Variants in DST observed in about 807,000 individuals in gnomAD.
The protein encoded by DST is bullous pemphigoid antigen.
A neutral mutation model predicts 875.2 loss-of-function variants in DST; 253 were observed. That is an observed-to-expected ratio of 0.29 (90% CI 0.26 to 0.32). The LOEUF is 0.32. Ranked by LOEUF, DST falls within the 10% of genes least tolerant of loss-of-function variation. The pLI is 1.00. For synonymous variants in DST, 3,124 were observed against 3,197.1 expected, an observed-to-expected ratio of 0.98 and a Z score of 0.77; for missense variants, 8,287 against 9,111.6, an observed-to-expected ratio of 0.91 and a Z score of 3.68.
intron 3 of DST, among the ~76,000 whole-genome samples, chr6:56,891,684 T>C (rs943833121): frequency 6.0e-5 from 9 of 150,096 alleles, no homozygotes; most frequent in Admixed American, 2.0e-4. Context: ...CAGTGAGCCG[T>C]GATTGCGCGA....
At position 56,630,401 on chromosome 6, in the gene DST, A is replaced by G; in HGVS notation, c.4143-18T>C. The G allele has an allele frequency of 6.2e-7, 1 of 1,608,354 alleles. No homozygotes were observed. ...TTTTCAACCTTAAAAAGGAAATTAA[A>G]CAATAGCCACCTATGGTTAAATGTT... is the stretch of plus-strand genomic sequence containing the variant. On this transcript the variant is annotated intron_variant, in intron 30 of 103. Coordinates refer to ENST00000680361, the MANE Select transcript of DST (RefSeq NM_001374736.1).
chr6:56,633,167 C>A, intron 27 of DST, 130 bp from the exon 28 acceptor site: 1 of 755,802 alleles, frequency 1.3e-6, no homozygotes, highest in Non-Finnish European at 2.2e-6. Context: ...TTGAAATTAA[C>A]TGTCTTTTTC....
chr6:56,481,667 G>A (rs184798541), intron 90 of DST, among the ~76,000 whole-genome samples: 28 of 152,242 alleles, frequency 1.8e-4, no homozygotes, highest in African/African-American at 5.5e-4. Flanking sequence ...ACAATCCTAC[G>A]GGTATAATTT....
rs770000462 is a variant in DST at position 56,606,805 on chromosome 6, C to T, written c.7823G>A (p.Ser2608Asn). The change falls in exon 40 of 104, where the codon AGT becomes AAT. Residue 2608 changes from serine to asparagine, a missense_variant. Physicochemically the swap from Ser to Asn is conservative, Grantham distance 46. Coordinates refer to ENST00000680361, the MANE Select transcript of DST (RefSeq NM_001374736.1). ...QQNNTGTDTD[S>N]DDDFYDTPLF... is the part of the protein sequence containing the mutation. ...GGGAGTATCATAAAAATCATCATCA[C>T]TATCAGTGTCTGTTCCTGTGTTATT... The T allele has an allele frequency of 6.2e-7, 1 of 1,613,212 alleles. No homozygotes were observed. Among genetic ancestry groups the T allele is most frequent in the Non-Finnish European group, 8.5e-7 (1 of 1,179,576 alleles).
chr6:56,625,375 G>T, intron 34 of DST, 111 bp from the exon 35 acceptor site: 1 of 751,462 alleles, frequency 1.3e-6, no homozygotes, highest in Admixed American at 1.9e-5. Flanking sequence ...AATAACTTTA[G>T]TGATTTGACA....
intron 13 of DST, 32 bp from the exon 14 acceptor site, chr6:56,646,214 A>C (rs1487918091): frequency 1.0e-5 from 13 of 1,248,542 alleles, no homozygotes; most frequent in Non-Finnish European, 1.4e-5. Flanking sequence ...ATTAAGGACC[A>C]AACTTAAAAG....
intron 4 of DST, among the ~76,000 whole-genome samples, chr6:56,845,875 G>C (rs2099806704): frequency 6.6e-6 from 1 of 152,188 alleles, no homozygotes; most frequent in Non-Finnish European, 1.5e-5. Flanking sequence ...TTTAAAAACA[G>C]CCTTTACCCC....
chr6:56,507,301 T>C (rs2152469677), intron 75 of DST, among the ~76,000 whole-genome samples: 1 of 152,360 alleles, frequency 6.6e-6, no homozygotes, highest in South Asian at 2.1e-4. Context: ...TTTGCTTTCA[T>C]CTTCTTGGTT....
rs116716392 is a variant in DST, at chr6:56,557,193, C to T, written c.14640+126G>A. 2.5e-3 allele frequency: 2,019 copies of T among 823,682 alleles called. 22 individuals are homozygous for T. In the African/African-American group the frequency reaches 0.031, roughly 12 times the overall value. 51.0% of individuals were successfully genotyped at this position (823,682 alleles called of 1,614,324 possible). A position where few individuals can be genotyped will look rare whatever the true frequency, so the allele number is the denominator to read the frequency against. Reference sequence around the variant, plus strand: ...TATCTTATGGGCATCTGAAACATTACATATATACTTCAAAGCAGTTAAATA... The same window carrying T: ...TATCTTATGGGCATCTGAAACATTATATATATACTTCAAAGCAGTTAAATA... On this transcript the variant is annotated intron_variant, in intron 59 of 103. Transcript: ENST00000680361.
In DST at chr6:56,608,702, C is replaced by T. The variant is rs2098518897; in HGVS notation, c.5926G>A (p.Gly1976Ser). ...NISILRAAHEGLIDRETMFRL... is the reference protein window; with the variant it reads ...NISILRAAHESLIDRETMFRL... ...AACATGGTTTCACGGTCTATGAGAC[C>T]TTCATGAGCTGCTCTTAAAATGCTT... The change falls in exon 40 of 104, where the codon GGT becomes AGT. Residue 1976 changes from glycine to serine, a missense_variant. Physicochemically the swap from Gly to Ser is moderately conservative, Grantham distance 56. Coordinates refer to ENST00000680361, the MANE Select transcript of DST (RefSeq NM_001374736.1). The T allele has an allele frequency of 6.2e-7, 1 of 1,612,416 alleles. No homozygotes were observed. The highest frequency in any genetic ancestry group is 8.5e-7 in the Non-Finnish European group (1 of 1,179,236).
intron 10 of DST, among the ~76,000 whole-genome samples, chr6:56,667,242 T>A (rs1335706097): frequency 1.3e-5 from 2 of 152,206 alleles, no homozygotes; most frequent in Admixed American, 1.3e-4. Flanking sequence ...ATTATTATTG[T>A]CCAATACCAA....
At chr6:56,825,664 C>T (rs1373037234) in intron 4 of DST, among the ~76,000 whole-genome samples, 1 of 152,144 alleles carries the variant, frequency 6.6e-6, no homozygotes, top group Non-Finnish European at 1.5e-5. Context: ...TATTTCCTGA[C>T]AACTGTGGGG....
At chr6:56,732,135 C>A (rs1010126579) in intron 5 of DST, among the ~76,000 whole-genome samples, 6 of 152,176 alleles carry the variant, frequency 3.9e-5, no homozygotes, top group African/African-American at 1.4e-4. Context: ...TAATTCTTCA[C>A]TAATCAGCCA....
In DST at chr6:56,573,990, T is replaced by A. The variant is rs548388371; in HGVS notation, c.13028-103A>T. 14 of 782,568 alleles carry A rather than the reference T, an allele frequency of 1.8e-5. No individual in the cohort carries two copies. The Middle Eastern group carries it at 7.1e-4, about 40-fold the overall frequency. 48.5% of individuals were successfully genotyped at this position (782,568 alleles called of 1,614,324 possible). A position where few individuals can be genotyped will look rare whatever the true frequency, so the allele number is the denominator to read the frequency against. ...TCATACAATTTCCACACAAAAAATT[T>A]AAAAAATAAAAAGTTCAATGATAAA... On this transcript the variant is annotated intron_variant, in intron 50 of 103. Coordinates refer to ENST00000680361, the MANE Select transcript of DST (RefSeq NM_001374736.1).
At chr6:56,801,145 A>T (rs2099746317) in intron 4 of DST, among the ~76,000 whole-genome samples, 1 of 106,622 alleles carries the variant, frequency 9.4e-6, no homozygotes, top group Non-Finnish European at 2.2e-5. Context: ...CCTTTGCCAC[A>T]TTTTTTAAAA....
chr6:56,675,231 T>C (rs188670856), intron 9 of DST, among the ~76,000 whole-genome samples: 1 of 152,260 alleles, frequency 6.6e-6, no homozygotes, highest in African/African-American at 2.4e-5. Context: ...TAGACCCTTA[T>C]CTCACACCAT....
intron 4 of DST, among the ~76,000 whole-genome samples, chr6:56,795,701 C>G (rs552668353): frequency 6.6e-6 from 1 of 151,878 alleles, no homozygotes; most frequent in Non-Finnish European, 1.5e-5. Context: ...TAAAGTGAAG[C>G]CAGGGTTAAG....
rs970723514 is a variant in DST, at chr6:56,607,024, T to C, written c.7604A>G (p.Glu2535Gly). 2.5e-6 allele frequency: 4 copies of C among 1,613,398 alleles called. No homozygotes were observed. In the African/African-American group the frequency reaches 5.3e-5, roughly 22 times the overall value. The change falls in exon 40 of 104, where the codon GAA (glutamate) becomes GGA (glycine). Residue 2535 changes from glutamate to glycine, a missense_variant. Physicochemically the swap from Glu to Gly is moderately conservative, Grantham distance 98 (BLOSUM62 -2). Around this residue, in one of 10 missense-constraint regions of DST, gnomAD observed 3,138 missense variants for 3,116.6 expected, o/e 1.01. Transcript: ENST00000680361. ...CTGCTGAAAACCTGGATGTGTTTTT[T>C]CATCCTCACCAGAAGTATTTGAAAT... ...KYISNTSGEDEKTHPGFQQMP... is the reference protein window; with the variant it reads ...KYISNTSGEDGKTHPGFQQMP...
intron 4 of DST, among the ~76,000 whole-genome samples, chr6:56,776,530 G>A (rs1248020287): frequency 6.6e-6 from 1 of 152,186 alleles, no homozygotes; most frequent in Non-Finnish European, 1.5e-5. Flanking sequence ...GGACCTACCT[G>A]TAATATTTTT....
Sources: gnomAD v4.1 joint callset for allele counts (sites outside exome capture counted in the v4.1 genomes callset) on GRCh38, gnomAD v4.1.1 for gene constraint, gnomAD v4.1.1 regional missense constraint, MANE v1.5 for transcripts, NCBI Gene and HGNC (gene_info 2026-07-23, HGNC 2026-07-21) for gene names.